PSMB4: variants seen among roughly 807,000 people sequenced by gnomAD.
PSMB4 encodes the protein proteasome subunit beta type-4.
A neutral mutation model predicts 35.2 loss-of-function variants in PSMB4; 16 were observed. That is an observed-to-expected ratio of 0.45 (90% CI 0.31 to 0.69). The LOEUF (loss-of-function observed/expected upper bound fraction) is 0.69, where lower values mean the gene tolerates loss of function less well. Among genes scored for constraint, PSMB4 ranks in the 30% least tolerant of loss-of-function variants. The pLI, the probability that PSMB4 is intolerant of heterozygous loss-of-function variation, is 0.06. For missense variants in PSMB4, 333 were observed against 351.8 expected (o/e 0.95, Z 0.43); for synonymous variants, 144 against 134.1 (o/e 1.07, Z -0.51).
At position 151,399,741 on chromosome 1, in the gene PSMB4, G is replaced by T; in HGVS notation, c.140+14G>T. ...CACGCGGACCCAGTAAGTTCTCGGC[G>T]CTTTCGTTTGCGTAGCGGGAGGGAC... is the stretch of plus-strand genomic sequence containing the variant. On this transcript the variant is annotated intron_variant, in intron 1 of 6. Coordinates refer to ENST00000290541, the MANE Select transcript of PSMB4 (RefSeq NM_002796.3). 6.2e-7 allele frequency: 1 copy of T among 1,613,724 alleles called. No homozygotes were observed. The highest frequency in any genetic ancestry group is 1.7e-5 in the Admixed American group (1 of 59,984).
rs1652819585 is a variant in PSMB4 at position 151,401,280 on chromosome 1, C to A, written c.618C>A (p.Ser206Arg). ...TTCTGGAGAAGCAGCCAGTGCTAAG[C>A]CAGACCGAGGCCCGCGACTTAGTAG... The part of the protein sequence containing the change: ...REVLEKQPVL[S>R]QTEARDLVER... Residue 206 changes from serine (S) to arginine (R), a missense_variant, in exon 5 of 7, where the codon AGC becomes AGA. Coordinates refer to ENST00000290541, the MANE Select transcript of PSMB4 (RefSeq NM_002796.3). 6 of 1,614,152 alleles carry A rather than the reference C, an allele frequency of 3.7e-6. No homozygotes were observed. Among genetic ancestry groups the A allele is most frequent in the Non-Finnish European group, 5.1e-6 (6 of 1,180,034 alleles).
At chr1:151,400,226 G>C (rs1440986341) in intron 2 of PSMB4, 39 bp downstream of exon 2, 2 of 1,595,280 alleles carry the variant, frequency 1.3e-6, no homozygotes, top group Admixed American at 3.3e-5. Flanking sequence ...TTCCCAAGTA[G>C]AGAGGGGAGT....
At chr1:151,401,214 C>G in intron 4 of PSMB4, 25 bp from the exon 5 acceptor site, 1 of 1,582,892 alleles carries the variant, frequency 6.3e-7, no homozygotes, top group Non-Finnish European at 8.7e-7. Flanking sequence ...AATATCCCCC[C>G]ATGGTTTTCC....
At position 151,401,798 on chromosome 1, in the gene PSMB4, TTCTG is replaced by T. The variant is rs557553474; in HGVS notation, c.783-15_783-12del. 16 of 1,606,986 alleles carry T rather than the reference TTCTG, an allele frequency of 1.0e-5. No homozygotes were observed. The highest frequency in any genetic ancestry group is 8.8e-5 in the South Asian group (8 of 90,906). On this transcript the variant is annotated splice_polypyrimidine_tract_variant and intron_variant, in intron 6 of 6. Coordinates refer to ENST00000290541, the MANE Select transcript of PSMB4 (RefSeq NM_002796.3). ...CCCTTTATGCTTCACAATTTTATTA[TTCTG>T]TCTTCCTTTTTTAGTGGCTTTGAAT...
rs777562522 is a variant in PSMB4, at chr1:151,400,422, C to A, written c.348-20C>A. On this transcript the variant is annotated intron_variant, in intron 2 of 6. Transcript: ENST00000290541. The stretch of plus-strand genomic sequence containing the variant: ...CCCGACTTAATTCTCTCCCTTTTCT[C>A]ACAACCAATTCCTTTTAAGGATTGA... 1 of 1,608,928 alleles carries A rather than the reference C, an allele frequency of 6.2e-7. No homozygotes were observed. The highest frequency in any genetic ancestry group is 1.1e-5 in the South Asian group (1 of 90,612).
rs769369072 is a variant in PSMB4 at position 151,400,065 on chromosome 1, C to T, written c.225C>T (p.Tyr75=). Residue 75 remains tyrosine (Y), a synonymous_variant, in exon 2 of 7, where the codon TAC becomes TAT. Transcript: ENST00000290541. ...TTGCCGCAGACATGCTGGGATCCTA[C>T]GGCTCCTTGGCTCGTTTCCGCAACA... ...VVIAADMLGS[Y]GSLARFRNIS... is the part of the protein sequence containing the mutation. 2 of 1,614,158 alleles carry T rather than the reference C, an allele frequency of 1.2e-6. No individual in the cohort carries two copies. Among genetic ancestry groups the T allele is most frequent in the East Asian group, 2.2e-5 (1 of 44,862 alleles).
chr1:151,401,178 G>A, intron 4 of PSMB4, 61 bp from the exon 5 acceptor site: 2 of 1,309,368 alleles, frequency 1.5e-6, no homozygotes, highest in Non-Finnish European at 2.2e-6. Flanking sequence ...CCATAGATTT[G>A]AGACAACTAG....
rs986334668 is a variant in PSMB4, at chr1:151,400,865, G to A, written c.576+20G>A. ...GCTCAGGTAAGTAGTAAGTCTAGAGGTGGGGGAAAGGGAAGACAAAAGGAA... is the reference window on the plus strand; with the variant it reads ...GCTCAGGTAAGTAGTAAGTCTAGAGATGGGGGAAAGGGAAGACAAAAGGAA... On this transcript the variant is annotated intron_variant, in intron 4 of 6. Coordinates refer to ENST00000290541, the MANE Select transcript of PSMB4 (RefSeq NM_002796.3). 6 of 1,601,274 alleles carry A rather than the reference G, an allele frequency of 3.7e-6. No individual in the cohort carries two copies. The highest frequency in any genetic ancestry group is 4.5e-5 in the East Asian group (2 of 44,796).
At chr1:151,400,631 C>G (rs748559526) in intron 3 of PSMB4, 43 bp downstream of exon 3, 6 of 1,613,642 alleles carry the variant, frequency 3.7e-6, no homozygotes, top group Non-Finnish European at 5.1e-6. Context: ...ACCACCCAAC[C>G]TAGTACCTGT....
chr1:151,400,290 C>A, intron 2 of PSMB4, 103 bp downstream of exon 2: 2 of 1,473,520 alleles, frequency 1.4e-6, no homozygotes, highest in Admixed American at 1.8e-5. Context: ...CAGCGGGGGA[C>A]TGGAAGAGTT....
chr1:151,400,017 T>C lies in PSMB4; in HGVS notation c.177T>C (p.Val59=), dbSNP rs1217978576. ...TGACCGGGACCTCAGTCCTCGGCGT[T>C]AAGTTCGAGGGCGGAGTGGTGATTG... ...PMVTGTSVLG[V]KFEGGVVIAA... is the part of the protein sequence containing the mutation. Residue 59 remains valine (V), a synonymous_variant, in exon 2 of 7, where the codon GTT becomes GTC. Coordinates refer to ENST00000290541, the MANE Select transcript of PSMB4 (RefSeq NM_002796.3). 1 of 1,613,992 alleles carries C rather than the reference T, an allele frequency of 6.2e-7. No homozygotes were observed. Among genetic ancestry groups the C allele is most frequent in the Non-Finnish European group, 8.5e-7 (1 of 1,179,986 alleles).
In PSMB4 at chr1:151,401,549, T is replaced by C. The variant is rs4603; in HGVS notation, c.701T>C (p.Ile234Thr). Reference sequence around the variant, plus strand: ...TGCTCTGCTTTCTTCCAGTTTCAAATCGCCACTGTCACCGAAAAAGGTGTT... The same window carrying C: ...TGCTCTGCTTTCTTCCAGTTTCAAACCGCCACTGTCACCGAAAAAGGTGTT... ...RDARSYNRFQIATVTEKGVEI... is the reference protein window; with the variant it reads ...RDARSYNRFQTATVTEKGVEI... Residue 234 changes from isoleucine (I) to threonine (T), a missense_variant, in exon 6 of 7, where the codon ATC becomes ACC. Physicochemically the swap from Ile to Thr is moderately conservative, Grantham distance 89. Transcript: ENST00000290541. The C allele has an allele frequency of 0.18, 283,347 of 1,608,884 alleles. 26,712 individuals carry two copies. Among genetic ancestry groups the C allele is most frequent in the East Asian group, 0.33 (14,634 of 44,824 alleles).
intron 6 of PSMB4, 35 bp from the exon 7 acceptor site, chr1:151,401,782 C>G (rs771149102): frequency 6.2e-7 from 1 of 1,600,210 alleles, no homozygotes; most frequent in South Asian, 1.1e-5. Flanking sequence ...TCCCTTTATG[C>G]TTCACAATTT....
At position 151,399,634 on chromosome 1, in the gene PSMB4, C is replaced by T; in HGVS notation, c.47C>T (p.Pro16Leu). The change falls in exon 1 of 7, where the codon CCG (proline) becomes CTG (leucine). Residue 16 changes from proline (P) to leucine (L), a missense_variant. Pro to Leu is a moderately conservative substitution (Grantham distance 98). Coordinates refer to ENST00000290541, the MANE Select transcript of PSMB4 (RefSeq NM_002796.3). ...CGGTCCGGACTTTGGGCGGGGGGTC[C>T]GGCCCCAGGACAGTTTTACCGCATT... ...GSRSGLWAGG[P>L]APGQFYRIPS... 2 of 1,614,068 alleles carry T rather than the reference C, an allele frequency of 1.2e-6. No homozygotes were observed. The highest frequency in any genetic ancestry group is 1.7e-6 in the Non-Finnish European group (2 of 1,179,998).
chr1:151,401,935 T>A lies in PSMB4; in HGVS notation c.*106T>A. On this transcript the variant is annotated 3_prime_UTR_variant, in exon 7 of 7. Transcript: ENST00000290541. ...TGTAAAGTAAATAAATTCTTCAAAATGCTTGCTGAGTGGTTTTTGTCTGAC... is the reference window on the plus strand; with the variant it reads ...TGTAAAGTAAATAAATTCTTCAAAAAGCTTGCTGAGTGGTTTTTGTCTGAC... 1.6e-6 allele frequency: 2 copies of A among 1,262,404 alleles called. No individual in the cohort carries two copies. Among genetic ancestry groups the A allele is most frequent in the Admixed American group, 1.8e-5 (1 of 54,064 alleles). The allele number at this position is 1,262,404 out of a possible 1,614,324, so 78.2% of individuals were successfully genotyped here. A position where few individuals can be genotyped will look rare whatever the true frequency, so the allele number is the denominator to read the frequency against.
At position 151,400,041 on chromosome 1, in the gene PSMB4, T is replaced by G. The variant is rs371543427; in HGVS notation, c.201T>G (p.Ile67Met). ...TTAAGTTCGAGGGCGGAGTGGTGATTGCCGCAGACATGCTGGGATCCTACG... is the reference window on the plus strand; with the variant it reads ...TTAAGTTCGAGGGCGGAGTGGTGATGGCCGCAGACATGCTGGGATCCTACG... ...LGVKFEGGVVIAADMLGSYGS... is the reference protein window; with the variant it reads ...LGVKFEGGVVMAADMLGSYGS... Residue 67 changes from isoleucine to methionine, a missense_variant, in exon 2 of 7, where the codon ATT becomes ATG. By Grantham distance (10) the Ile-to-Met change is conservative (BLOSUM62 1). Transcript: ENST00000290541. 3 of 1,613,968 alleles carry G rather than the reference T, an allele frequency of 1.9e-6. No individual in the cohort carries two copies. Among genetic ancestry groups the G allele is most frequent in the African/African-American group, 2.7e-5 (2 of 74,886 alleles).
rs200966633 is a variant in PSMB4, at chr1:151,401,653, G to T, written c.782+23G>T. Reference sequence around the variant, plus strand: ...CAGGTGAGTAATAGGGAAAAAATTGGTGACAGACTTGGGAGGTCTTTGGCT... The same window carrying T: ...CAGGTGAGTAATAGGGAAAAAATTGTTGACAGACTTGGGAGGTCTTTGGCT... On this transcript the variant is annotated intron_variant, in intron 6 of 6. Transcript: ENST00000290541. 2.1e-3 allele frequency: 3,290 copies of T among 1,579,990 alleles called. 13 individuals are homozygous for T. The highest frequency in any genetic ancestry group is 2.4e-3 in the Non-Finnish European group (2,776 of 1,150,118).
rs753138351 is a variant in PSMB4, at chr1:151,400,092, C to G, written c.252C>G (p.Ile84Met). 10 of 1,614,184 alleles carry G rather than the reference C, an allele frequency of 6.2e-6. No homozygotes were observed. In the East Asian group the frequency reaches 2.0e-4, roughly 32 times the overall value. Residue 84 changes from isoleucine (I) to methionine (M), a missense_variant, in exon 2 of 7, where the codon ATC becomes ATG. Transcript: ENST00000290541. Reference protein sequence around the residue: ...SYGSLARFRNISRIMRVNNST... With the variant: ...SYGSLARFRNMSRIMRVNNST... The stretch of plus-strand genomic sequence containing the variant: ...GCTCCTTGGCTCGTTTCCGCAACAT[C>G]TCTCGCATTATGCGAGTCAACAACA...
chr1:151,400,609 C>T, intron 3 of PSMB4, 21 bp downstream of exon 3: 2 of 1,614,110 alleles, frequency 1.2e-6, no homozygotes, highest in Non-Finnish European at 1.7e-6. Flanking sequence ...ATACAAATAA[C>T]TTATTTCCTT....
Sources: gnomAD v4.1 joint callset for allele counts on GRCh38, gnomAD v4.1.1 for gene constraint, MANE v1.5 for transcripts, NCBI Gene and HGNC (gene_info 2026-07-23, HGNC 2026-07-21) for gene names.